Variants in EDIL3 observed in about 807,000 individuals in gnomAD.
EDIL3 encodes the protein EGF-like repeat and discoidin I-like domain-containing protein 3.
EDIL3 carries 37 observed loss-of-function variants against 67.4 expected under a neutral mutation model. That is an observed-to-expected ratio of 0.55 (90% CI 0.42 to 0.72). The LOEUF (loss-of-function observed/expected upper bound fraction) is 0.72. Ranked by LOEUF, EDIL3 falls within the 30% of genes least tolerant of loss-of-function variation. The pLI, the probability that EDIL3 is intolerant of heterozygous loss-of-function variation, is 0.00. For synonymous variants in EDIL3, 195 were observed against 196.3 expected, an observed-to-expected ratio of 0.99 and a Z score of 0.05; for missense variants, 527 against 586.3, an observed-to-expected ratio of 0.90 and a Z score of 1.04.
At chr5:84,361,595 G>T (rs1292535516) in intron 1 of EDIL3, among the ~76,000 whole-genome samples, 2 of 151,342 alleles carry the variant, frequency 1.3e-5, no homozygotes, top group African/African-American at 4.9e-5. Flanking sequence ...TATTTTTCTG[G>T]AAACCTACAT....
intron 1 of EDIL3, among the ~76,000 whole-genome samples, chr5:84,272,171 T>C (rs1475842422): frequency 1.3e-5 from 2 of 152,092 alleles, no homozygotes; most frequent in Admixed American, 1.3e-4. Flanking sequence ...ATTTATATTT[T>C]TGAATCTAAA....
At chr5:84,219,137 G>A (rs1403012564) in intron 3 of EDIL3, among the ~76,000 whole-genome samples, 10 of 152,130 alleles carry the variant, frequency 6.6e-5, no homozygotes, top group Non-Finnish European at 1.3e-4. Context: ...CCCTCCCCCA[G>A]CTCCAGGCAG....
chr5:84,068,364 A>T (rs909867051), intron 6 of EDIL3, among the ~76,000 whole-genome samples: 19 of 152,252 alleles, frequency 1.2e-4, no homozygotes, highest in Non-Finnish European at 2.5e-4. Flanking sequence ...GTTGCTGAAC[A>T]TTCCTTTTTC....
At chr5:83,997,040 G>GA (rs1745248775) in intron 9 of EDIL3, among the ~76,000 whole-genome samples, 1 of 152,116 alleles carries the variant, frequency 6.6e-6, no homozygotes, top group Non-Finnish European at 1.5e-5. Flanking sequence ...GATAGAGGGA[G>GA]AAAAAAACTT....
intron 3 of EDIL3, among the ~76,000 whole-genome samples, chr5:84,196,171 G>T (rs1036129210): frequency 6.6e-6 from 1 of 151,880 alleles, no homozygotes; most frequent in Non-Finnish European, 1.5e-5. Flanking sequence ...CACAATAAAT[G>T]ATTTATTGAT....
chr5:84,053,598 T>G (rs1381444481), intron 9 of EDIL3, among the ~76,000 whole-genome samples: 1 of 152,034 alleles, frequency 6.6e-6, no homozygotes, highest in Non-Finnish European at 1.5e-5. Flanking sequence ...AAGAATCAAA[T>G]AGATCCAATA....
At chr5:84,001,403 T>G (rs1745329354) in intron 9 of EDIL3, among the ~76,000 whole-genome samples, 1 of 151,870 alleles carries the variant, frequency 6.6e-6, no homozygotes, top group Admixed American at 6.6e-5. Context: ...TCTAAAAAAC[T>G]AGAAAACCAA....
At chr5:84,340,528 CTCTCTCTATATATATATATATA>C (rs1314545306) in intron 1 of EDIL3, among the ~76,000 whole-genome samples, 1 of 71,546 alleles carries the variant, frequency 1.4e-5, no homozygotes, top group African/African-American at 4.4e-5. Flanking sequence ...CTCTCTCTCT[CTCTCTCTATATATATATATATA>C]TATATATATA....
intron 6 of EDIL3, among the ~76,000 whole-genome samples, chr5:84,100,049 T>C (rs1244341530): frequency 6.6e-6 from 1 of 152,090 alleles, no homozygotes; most frequent in African/African-American, 2.4e-5. Context: ...CCAGTTAGAA[T>C]GGCGATCATT....
intron 3 of EDIL3, among the ~76,000 whole-genome samples, chr5:84,228,849 C>T (rs1366717371): frequency 1.3e-5 from 2 of 151,948 alleles, no homozygotes; most frequent in African/African-American, 4.8e-5. Flanking sequence ...TTGAACTGAC[C>T]CTATCTTGTA....
At chr5:84,014,642 T>TCAAA (rs144953064) in intron 9 of EDIL3, among the ~76,000 whole-genome samples, 5,866 of 152,048 alleles carry the variant, frequency 0.039, 146 homozygotes, top group Middle Eastern at 0.082. Flanking sequence ...AGACTCCGTC[T>TCAAA]CAAACAAACA....
At chr5:83,996,890 G>C (rs1429227371) in intron 9 of EDIL3, among the ~76,000 whole-genome samples, 3 of 152,202 alleles carry the variant, frequency 2.0e-5, no homozygotes, top group Non-Finnish European at 4.4e-5. Flanking sequence ...TGGAATAAAT[G>C]TGTATTTTAA....
intron 2 of EDIL3, among the ~76,000 whole-genome samples, chr5:84,234,222 A>T (rs1744636241): frequency 6.6e-6 from 1 of 152,170 alleles, no homozygotes; most frequent in Non-Finnish European, 1.5e-5. Flanking sequence ...CAGGGAGCTT[A>T]CCACCATGCT....
chr5:84,174,610 C>A (rs911812703), intron 4 of EDIL3, among the ~76,000 whole-genome samples: 1 of 152,070 alleles, frequency 6.6e-6, no homozygotes, highest in Non-Finnish European at 1.5e-5. Context: ...AAGGTTCAAG[C>A]GTTTTGGTCA....
chr5:84,098,915 G>A (rs926639583), intron 6 of EDIL3, among the ~76,000 whole-genome samples: 3 of 152,080 alleles, frequency 2.0e-5, no homozygotes, highest in African/African-American at 7.2e-5. Context: ...ACTCAGAGCT[G>A]AACTGAAGTC....
At chr5:84,119,911 T>G (rs1747740751) in intron 5 of EDIL3, among the ~76,000 whole-genome samples, 2 of 151,974 alleles carry the variant, frequency 1.3e-5, no homozygotes, top group Admixed American at 1.3e-4. Context: ...CATCATGACT[T>G]ATATTTGCAA....
chr5:84,240,264 C>A (rs1259354746), intron 2 of EDIL3, among the ~76,000 whole-genome samples: 2 of 152,072 alleles, frequency 1.3e-5, no homozygotes, highest in Non-Finnish European at 2.9e-5. Flanking sequence ...TGAGGTAGTA[C>A]TTAAATGCTG....
chr5:84,316,745 C>T (rs1190249213), intron 1 of EDIL3, among the ~76,000 whole-genome samples: 3 of 152,158 alleles, frequency 2.0e-5, no homozygotes, highest in Non-Finnish European at 4.4e-5. Context: ...GAACTCAGCT[C>T]TGGACCAAGT....
intron 9 of EDIL3, among the ~76,000 whole-genome samples, chr5:83,978,666 TAAC>T (rs1332050777): frequency 6.6e-6 from 1 of 151,940 alleles, no homozygotes; most frequent in Non-Finnish European, 1.5e-5. Flanking sequence ...CAGAAAATCA[TAAC>T]AAAACAAAGA....
Sources: gnomAD v4.1 joint callset for allele counts (sites outside exome capture counted in the v4.1 genomes callset) on GRCh38, gnomAD v4.1.1 for gene constraint, MANE v1.5 for transcripts, NCBI Gene and HGNC (gene_info 2026-07-23, HGNC 2026-07-21) for gene names.